TRIM33: variants seen among roughly 807,000 people sequenced by gnomAD.
The protein encoded by TRIM33 is E3 ubiquitin-protein ligase TRIM33.
A neutral mutation model predicts 125.4 loss-of-function variants in TRIM33; 20 were observed. The ratio of observed to expected loss-of-function variants is 0.16; its 90% confidence interval spans 0.11 to 0.23. The LOEUF (loss-of-function observed/expected upper bound fraction) is 0.23. Ranked by LOEUF, TRIM33 falls within the 10% of genes least tolerant of loss-of-function variation. The pLI, the probability that TRIM33 is intolerant of heterozygous loss-of-function variation, is 1.00. For missense variants in TRIM33, 920 were observed against 1,411.4 expected, an observed-to-expected ratio of 0.65 and a Z score of 5.58; for synonymous variants, 564 against 513.9, an observed-to-expected ratio of 1.10 and a Z score of -1.32.
intron 4 of TRIM33, among the ~76,000 whole-genome samples, chr1:114,454,119 T>A (rs1649489643): frequency 6.6e-6 from 1 of 151,924 alleles, no homozygotes; most frequent in South Asian, 2.1e-4. Flanking sequence ...GTGAAAGGAG[T>A]CTCGTGGATT....
intron 18 of TRIM33, among the ~76,000 whole-genome samples, chr1:114,398,911 A>AC (rs1553204374): frequency 1.3e-4 from 20 of 148,962 alleles, no homozygotes; most frequent in East Asian, 9.9e-4. Context: ...AAAAAAAAAA[A>AC]AAAACAAAAC....
chr1:114,450,748 T>A (rs1355289655), intron 4 of TRIM33, among the ~76,000 whole-genome samples: 1 of 152,176 alleles, frequency 6.6e-6, no homozygotes, highest in Non-Finnish European at 1.5e-5. Context: ...TTCACTGATC[T>A]TAACCTTAAT....
rs548655962 is a variant in TRIM33 at position 114,495,487 on chromosome 1, AT to A, written c.526+15063del. ...TAGAATGAGTCTTCCCTCTGAGAGGATTTTTATAGGCAAATAAGATAACACG... is the reference window on the plus strand; with the variant it reads ...TAGAATGAGTCTTCCCTCTGAGAGGATTTTATAGGCAAATAAGATAACACG... On this transcript the variant is annotated intron_variant, in intron 1 of 19. Transcript: ENST00000358465. Among the ~76,000 whole-genome samples the A allele has an allele frequency of 1.4e-3, 217 of 152,318 alleles. 1 individual carries two copies. The highest frequency in any genetic ancestry group is 5.1e-3 in the African/African-American group (211 of 41,564).
intron 8 of TRIM33, 34 bp downstream of exon 8, chr1:114,427,143 C>T (rs369899421): frequency 1.9e-6 from 2 of 1,063,840 alleles, no homozygotes; most frequent in East Asian, 2.5e-5. Context: ...ATTCAGTGTT[C>T]CAAGTTATAT....
rs961900341 is a variant in TRIM33 at position 114,394,487 on chromosome 1, T to C, written c.*3161A>G. The C allele has an allele frequency of 9.8e-5, 21 of 215,086 alleles. No homozygotes were observed. The highest frequency in any genetic ancestry group is 2.3e-4 in the Admixed American group (4 of 17,132). 13.3% of individuals were successfully genotyped at this position (215,086 alleles called of 1,614,324 possible). A position where few individuals can be genotyped will look rare whatever the true frequency, so the allele number is the denominator to read the frequency against. On this transcript the variant is annotated 3_prime_UTR_variant, in exon 20 of 20. Coordinates refer to ENST00000358465, the MANE Select transcript of TRIM33 (RefSeq NM_015906.4). ...GATAAATCTACAATTTGCACACTTA[T>C]AAACCTTTTACTTCTATTTAAAAGC...
intron 4 of TRIM33, among the ~76,000 whole-genome samples, chr1:114,435,798 C>T (rs1472707403): frequency 1.3e-5 from 2 of 151,276 alleles, no homozygotes; most frequent in Admixed American, 1.3e-4. Context: ...ACCATCACGG[C>T]TCACTGCAGC....
At chr1:114,500,568 G>GA (rs11421947) in intron 1 of TRIM33, among the ~76,000 whole-genome samples, 6,549 of 151,024 alleles carry the variant, frequency 0.043, 152 homozygotes, top group South Asian at 0.063. Context: ...AGCAAAAGGT[G>GA]AATGGCCAAG....
chr1:114,470,961 A>G (rs549777269), intron 1 of TRIM33, among the ~76,000 whole-genome samples: 1 of 152,248 alleles, frequency 6.6e-6, no homozygotes, highest in South Asian at 2.1e-4. Context: ...ACCATGCCCA[A>G]CTAATTTTTT....
At chr1:114,467,752 A>C (rs1372157083) in intron 1 of TRIM33, among the ~76,000 whole-genome samples, 1 of 152,180 alleles carries the variant, frequency 6.6e-6, no homozygotes, top group Non-Finnish European at 1.5e-5. Context: ...TTTACTTTTA[A>C]AATTACATAA....
intron 1 of TRIM33, among the ~76,000 whole-genome samples, chr1:114,503,741 A>T (rs539031353): frequency 6.6e-6 from 1 of 152,328 alleles, no homozygotes; most frequent in African/African-American, 2.4e-5. Flanking sequence ...TAAAATCTCA[A>T]TTTTTATCAC....
At position 114,393,984 on chromosome 1, in the gene TRIM33, A is replaced by G. The variant is rs891939378; in HGVS notation, c.*3664T>C. On this transcript the variant is annotated 3_prime_UTR_variant, in exon 20 of 20. Coordinates refer to ENST00000358465, the MANE Select transcript of TRIM33 (RefSeq NM_015906.4). The stretch of plus-strand genomic sequence containing the variant: ...CTCAAAGCAGTGTTATTGCTTTATC[A>G]AGGAGGAGATTAACTGTGAGGGAAA... 4.4e-6 allele frequency: 1 copy of G among 224,936 alleles called. No homozygotes were observed. The highest frequency in any genetic ancestry group is 8.9e-6 in the Non-Finnish European group (1 of 112,636). 13.9% of individuals were successfully genotyped at this position (224,936 alleles called of 1,614,324 possible).
At chr1:114,428,818 C>T (rs973327867) in intron 6 of TRIM33, among the ~76,000 whole-genome samples, 3 of 151,444 alleles carry the variant, frequency 2.0e-5, no homozygotes, top group Admixed American at 6.6e-5. Flanking sequence ...TAGTATGTGG[C>T]GTATTTACCA....
intron 17 of TRIM33, among the ~76,000 whole-genome samples, chr1:114,401,181 T>C (rs1651859061): frequency 6.6e-6 from 1 of 151,934 alleles, no homozygotes; most frequent in South Asian, 2.1e-4. Flanking sequence ...GGACTACAGG[T>C]GCCCGCCACC....
intron 11 of TRIM33, among the ~76,000 whole-genome samples, chr1:114,418,765 CCCAACAAGCCCT>C (rs941057428): frequency 1.3e-5 from 2 of 152,200 alleles, no homozygotes; most frequent in South Asian, 4.1e-4. Flanking sequence ...TCCACCTGGA[CCCAACAAGCCCT>C]CCAACAAGCC....
chr1:114,397,589 G>GTTTTTTTTTTTTTTTTTTTTTTT lies in TRIM33; in HGVS notation c.*58_*59insAAAAAAAAAAAAAAAAAAAAAAA. 9.4e-6 allele frequency: 6 copies of GTTTTTTTTTTTTTTTTTTTTTTT among 637,680 alleles called. No individual in the cohort carries two copies. Among genetic ancestry groups the GTTTTTTTTTTTTTTTTTTTTTTT allele is most frequent in the East Asian group, 3.9e-5 (1 of 25,786 alleles). The allele number at this position is 637,680 out of a possible 1,614,324, so 39.5% of individuals were successfully genotyped here. On this transcript the variant is annotated 3_prime_UTR_variant, in exon 20 of 20. Coordinates refer to ENST00000358465, the MANE Select transcript of TRIM33 (RefSeq NM_015906.4). ...CTTAAAAGTTTTCTGGGTTTTTTGT[G>GTTTTTTTTTTTTTTTTTTTTTTT]TTTTTTTTTTTTTTTTCGTTTTTTT...
At chr1:114,482,811 G>A (rs1038699394) in intron 1 of TRIM33, among the ~76,000 whole-genome samples, 1 of 152,136 alleles carries the variant, frequency 6.6e-6, no homozygotes, top group Non-Finnish European at 1.5e-5. Context: ...GTATGAAGAT[G>A]TGCTTAACTT....
chr1:114,464,277 G>T lies in TRIM33; in HGVS notation c.638C>A (p.Ser213Ter). The stretch of plus-strand genomic sequence containing the variant: ...AAAAATTGAGAAGCATACCTGTTCT[G>T]ATTTTTCATCAGAACTGCTAGGAGC... Reference protein sequence around the residue: ...SEAPSSSDEKSEQVCTSCEDN... With the variant: ...SEAPSSSDEK The change falls in exon 2 of 20, where the codon TCA becomes TAA. Residue 213 changes from serine (S) to a stop codon, truncating the protein, a stop_gained. Coordinates refer to ENST00000358465, the MANE Select transcript of TRIM33 (RefSeq NM_015906.4). LOFTEE classifies it high-confidence loss of function. 1 of 1,567,732 alleles carries T rather than the reference G, an allele frequency of 6.4e-7. No homozygotes were observed. The highest frequency in any genetic ancestry group is 8.7e-7 in the Non-Finnish European group (1 of 1,151,522).
chr1:114,394,407 T>C lies in TRIM33; in HGVS notation c.*3241A>G, dbSNP rs1479379786. The C allele has an allele frequency of 1.4e-5, 3 of 220,994 alleles. No individual in the cohort carries two copies. Among genetic ancestry groups the C allele is most frequent in the East Asian group, 6.6e-5 (1 of 15,138 alleles). The allele number at this position is 220,994 out of a possible 1,614,324, so 13.7% of individuals were successfully genotyped here. A position where few individuals can be genotyped will look rare whatever the true frequency, so the allele number is the denominator to read the frequency against. ...ATAGTTGGAAGACCTGAATCTATTATCTTATTAACACTAATCACTAATAAT... is the reference window on the plus strand; with the variant it reads ...ATAGTTGGAAGACCTGAATCTATTACCTTATTAACACTAATCACTAATAAT... On this transcript the variant is annotated 3_prime_UTR_variant, in exon 20 of 20. Transcript: ENST00000358465.
At chr1:114,485,031 G>C (rs1403119190) in intron 1 of TRIM33, among the ~76,000 whole-genome samples, 4 of 151,308 alleles carry the variant, frequency 2.6e-5, no homozygotes, top group Admixed American at 2.6e-4. Flanking sequence ...CCGCCTGGGA[G>C]ACAGAGTGAG....
Sources: allele counts gnomAD v4.1 joint callset (sites outside exome capture counted in the v4.1 genomes callset), GRCh38; gene constraint gnomAD v4.1.1; transcripts MANE v1.5; gene names NCBI Gene and HGNC (gene_info 2026-07-23, HGNC 2026-07-21).